TXNL4A: variants seen among roughly 807,000 people sequenced by gnomAD.
TXNL4A encodes the protein thioredoxin like 4A, also known as thioredoxin-like protein 4A.
A neutral mutation model predicts 14.6 loss-of-function variants in TXNL4A; 17 were observed. The observed-to-expected ratio is 1.16, with a 90% CI of 0.80 to 1.74. The LOEUF (loss-of-function observed/expected upper bound fraction) is 1.74, where lower values mean the gene tolerates loss of function less well. Among genes scored for constraint, TXNL4A ranks in the 40% most tolerant of loss-of-function variants. The probability of loss-of-function intolerance (pLI) is 0.00; values close to 1 mark genes in which losing one functional copy is unlikely to be tolerated. For missense variants in TXNL4A, 74 were observed against 195.2 expected (o/e 0.38, Z 3.70); for synonymous variants, 83 against 70.6 (o/e 1.18, Z -0.88).
At chr18:80,021,772 T>C (rs1443387415) in intron 1 of TXNL4A, among the ~76,000 whole-genome samples, 2 of 152,216 alleles carry the variant, frequency 1.3e-5, no homozygotes, top group African/African-American at 2.4e-5. Flanking sequence ...TTTTAGGTTT[T>C]TGTTCTGTTT....
chr18:80,013,920 A>T (rs185814494), intron 1 of TXNL4A, among the ~76,000 whole-genome samples: 2 of 152,358 alleles, frequency 1.3e-5, no homozygotes, highest in Non-Finnish European at 2.9e-5. Context: ...TCTCAGAAAC[A>T]GGGAGGGAGG....
upstream of TXNL4A, among the ~76,000 whole-genome samples, chr18:79,993,292 G>T (rs568462072): frequency 1.3e-5 from 2 of 150,840 alleles, no homozygotes; most frequent in Non-Finnish European, 2.9e-5. This position sits in a 1 kb window ranked among gnomAD's most constrained non-coding sequence, Gnocchi z 4.4. Flanking sequence ...GTGTTTTTCA[G>T]TTGGGGGTCA....
Position 79,973,281 on chromosome 18 carries a change from A to C in TXNL4A, c.*404T>G. 6.3e-6 allele frequency: 1 copy of C among 159,582 alleles called. No individual in the cohort carries two copies. The highest frequency in any genetic ancestry group is 1.4e-5 in the Non-Finnish European group (1 of 73,470). 9.9% of individuals were successfully genotyped at this position (159,582 alleles called of 1,614,324 possible). A position where few individuals can be genotyped will look rare whatever the true frequency, so the allele number is the denominator to read the frequency against. On this transcript the variant is annotated 3_prime_UTR_variant, in exon 3 of 3. Transcript: ENST00000269601. Reference sequence around the variant, plus strand: ...CCTCAGCAGTGACCCCCCACCCGCGACACCCTGATCTCAGACCCCCGCCTG... The same window carrying C: ...CCTCAGCAGTGACCCCCCACCCGCGCCACCCTGATCTCAGACCCCCGCCTG...
chr18:79,995,874 G>C (rs539748232), intron 1 of TXNL4A, among the ~76,000 whole-genome samples: 1 of 151,872 alleles, frequency 6.6e-6, no homozygotes, highest in Non-Finnish European at 1.5e-5. Flanking sequence ...AGGCTGAGGC[G>C]GGCAGATCAT....
At chr18:80,006,077 TAG>T (rs1261912221) in intron 1 of TXNL4A, among the ~76,000 whole-genome samples, 1 of 151,652 alleles carries the variant, frequency 6.6e-6, no homozygotes, top group Non-Finnish European at 1.5e-5. Flanking sequence ...CTGGGCAAGA[TAG>T]ACCTTATCTC....
chr18:79,980,378 T>C (rs538405025), intron 1 of TXNL4A, among the ~76,000 whole-genome samples: 1 of 152,332 alleles, frequency 6.6e-6, no homozygotes, highest in Admixed American at 6.5e-5. Flanking sequence ...TTTCTTCATA[T>C]AAAACTAAAT....
intron 1 of TXNL4A, among the ~76,000 whole-genome samples, chr18:80,014,053 A>C (rs531662661): frequency 6.6e-6 from 1 of 152,262 alleles, no homozygotes; most frequent in Non-Finnish European, 1.5e-5. Flanking sequence ...CAGAGGAAAG[A>C]CCAGCCCCCA....
At chr18:79,983,962 T>C (rs2051503934) in intron 1 of TXNL4A, among the ~76,000 whole-genome samples, 2 of 151,672 alleles carry the variant, frequency 1.3e-5, no homozygotes, top group East Asian at 1.9e-4. Flanking sequence ...CCACTCCTCA[T>C]ACCTTGTGGC....
At chr18:79,978,050 G>C (rs763347420) in intron 1 of TXNL4A, 23 of 188,956 alleles carry the variant, frequency 1.2e-4, no homozygotes, top group Non-Finnish European at 2.0e-4. Flanking sequence ...ACACTACTGG[G>C]ACCTTGGCCA....
intron 1 of TXNL4A, among the ~76,000 whole-genome samples, chr18:79,998,109 C>T (rs960507058): frequency 3.9e-5 from 6 of 151,950 alleles, no homozygotes; most frequent in Admixed American, 2.6e-4. Context: ...CTGGCTAACA[C>T]GGTGAAACCC....
intron 1 of TXNL4A, among the ~76,000 whole-genome samples, chr18:80,028,297 C>G (rs930492134): frequency 6.7e-6 from 1 of 149,126 alleles, no homozygotes; most frequent in African/African-American, 2.5e-5. Flanking sequence ...TGGGTTCCCC[C>G]CTTACCATTT....
chr18:80,013,381 A>G (rs2051785273), intron 1 of TXNL4A, among the ~76,000 whole-genome samples: 1 of 151,884 alleles, frequency 6.6e-6, no homozygotes, highest in South Asian at 2.1e-4. Context: ...TCGGCCTCCC[A>G]AAGTGCTGGG....
upstream of TXNL4A, among the ~76,000 whole-genome samples, chr18:79,992,143 G>A (rs1462483484): frequency 6.6e-6 from 1 of 152,216 alleles, no homozygotes. Context: ...GCAGAGGGAT[G>A]ACTGACTAGA....
intron 1 of TXNL4A, among the ~76,000 whole-genome samples, chr18:79,997,326 G>C (rs1045798519): frequency 6.6e-6 from 1 of 151,858 alleles, no homozygotes; most frequent in Non-Finnish European, 1.5e-5. Context: ...TAACTGAAAA[G>C]GGGGCTCAAC....
At chr18:79,992,116 T>G (rs1032270031), upstream of TXNL4A, among the ~76,000 whole-genome samples, 3 of 152,186 alleles carry the variant, frequency 2.0e-5, no homozygotes, top group African/African-American at 7.2e-5. Flanking sequence ...CAGTCAGCTG[T>G]GCATCTGTCT....
chr18:79,992,647 C>T (rs371866429), upstream of TXNL4A, among the ~76,000 whole-genome samples: 1 of 152,078 alleles, frequency 6.6e-6, no homozygotes, highest in African/African-American at 2.4e-5. Flanking sequence ...CATATTTTGC[C>T]CACAAGGAAA....
intron 1 of TXNL4A, among the ~76,000 whole-genome samples, chr18:79,986,041 AC>A (rs2051542046): frequency 1.6e-5 from 2 of 123,086 alleles, no homozygotes; most frequent in Non-Finnish European, 3.7e-5. Context: ...TCAGGTGTGC[AC>A]TTTTTTTTTT....
chr18:80,023,627 G>T (rs1285180484), intron 1 of TXNL4A, among the ~76,000 whole-genome samples: 2 of 152,072 alleles, frequency 1.3e-5, no homozygotes, highest in Non-Finnish European at 2.9e-5. Flanking sequence ...ATGGAGAGGA[G>T]GATATTCACT....
chr18:79,992,853 C>A (rs184901902), upstream of TXNL4A, among the ~76,000 whole-genome samples: 78 of 136,636 alleles, frequency 5.7e-4, no homozygotes, highest in East Asian at 0.014. Context: ...GATTCCTCTG[C>A]CCCATTTGTC....
Sources: allele counts gnomAD v4.1 joint callset (sites outside exome capture counted in the v4.1 genomes callset), GRCh38; gene constraint gnomAD v4.1.1; non-coding constraint Gnocchi (gnomAD v3.1); transcripts MANE v1.5; gene names NCBI Gene and HGNC (gene_info 2026-07-23, HGNC 2026-07-21).